DGKI: variants seen among roughly 807,000 people sequenced by gnomAD.
The protein encoded by DGKI is diacylglycerol kinase iota, also known as DAG kinase iota.
Under a neutral mutation model 147.5 loss-of-function variants are expected in DGKI, and 55 were observed. The observed-to-expected ratio is 0.37, with a 90% CI of 0.30 to 0.47. The LOEUF (loss-of-function observed/expected upper bound fraction) is 0.47. Among genes scored for constraint, DGKI ranks in the 20% least tolerant of loss-of-function variants. The pLI is 1.00. For synonymous variants in DGKI, 469 were observed against 477.1 expected (o/e 0.98, Z 0.22); for missense variants, 1,007 against 1,323.8 (o/e 0.76, Z 3.71).
rs1377569778 is a variant in DGKI at position 137,390,228 on chromosome 7, C to G, written c.*992G>C. On this transcript the variant is annotated 3_prime_UTR_variant, in exon 33 of 33. Transcript: ENST00000614521. ...TAGGGTGCTTTCTATTATCATTCAACAAAGTTTAGAAGTAAACATTGTTAG... is the reference window on the plus strand; with the variant it reads ...TAGGGTGCTTTCTATTATCATTCAAGAAAGTTTAGAAGTAAACATTGTTAG... The G allele has an allele frequency of 1.3e-5, 2 of 152,178 alleles. No individual in the cohort carries two copies. The highest frequency in any genetic ancestry group is 2.4e-5 in the African/African-American group (1 of 41,366). 9.4% of individuals were successfully genotyped at this position (152,178 alleles called of 1,614,324 possible).
intron 20 of DGKI, among the ~76,000 whole-genome samples, chr7:137,535,199 T>C (rs981379037): frequency 6.6e-6 from 1 of 152,178 alleles, no homozygotes; most frequent in Non-Finnish European, 1.5e-5. Flanking sequence ...CCTTTTGTTC[T>C]AATCCTACAA....
At chr7:137,520,062 G>GA (rs1377325901) in intron 21 of DGKI, among the ~76,000 whole-genome samples, 3 of 152,004 alleles carry the variant, frequency 2.0e-5, no homozygotes, top group Non-Finnish European at 4.4e-5. Flanking sequence ...GCCCTTGCCA[G>GA]AAAATGTCAT....
At chr7:137,393,426 A>C (rs1334686330) in intron 32 of DGKI, among the ~76,000 whole-genome samples, 1 of 152,104 alleles carries the variant, frequency 6.6e-6, no homozygotes, top group Non-Finnish European at 1.5e-5. Flanking sequence ...AGTTGAGTGT[A>C]GGACCAGCCT....
At chr7:137,440,530 G>A (rs1273265039) in intron 28 of DGKI, among the ~76,000 whole-genome samples, 3 of 152,178 alleles carry the variant, frequency 2.0e-5, no homozygotes, top group Admixed American at 2.0e-4. Context: ...CAGGGACATG[G>A]CCGATAAAAG....
intron 12 of DGKI, among the ~76,000 whole-genome samples, chr7:137,595,202 G>A (rs982722566): frequency 1.3e-5 from 2 of 152,198 alleles, no homozygotes; most frequent in Non-Finnish European, 1.5e-5. Flanking sequence ...TGAAAAGACT[G>A]GATATGAAAA....
chr7:137,731,203 C>T (rs1030233239), intron 1 of DGKI, among the ~76,000 whole-genome samples: 4 of 152,048 alleles, frequency 2.6e-5, no homozygotes, highest in Admixed American at 6.6e-5. Context: ...TCCTAAGCAT[C>T]GTACATGAAA....
At position 137,552,376 on chromosome 7, in the gene DGKI, G is replaced by A; in HGVS notation, c.2140C>T (p.Leu714Phe). ...KSKRRTSMPL[L>F]NDPQSVPDRL... ...GGCCATGAGCAGACTCACTCATTGA[G>A]TAAAGGCATGGATGTTCTCCTCTTG... Residue 714 changes from leucine to phenylalanine, a missense_variant, in exon 20 of 33, where the codon CTC (leucine) becomes TTC (phenylalanine). This residue lies in a region of DGKI where 385 missense variants were observed against 445.2 expected (regional missense o/e 0.86). Transcript: ENST00000614521. The A allele has an allele frequency of 6.2e-7, 1 of 1,613,044 alleles. No homozygotes were observed. Among genetic ancestry groups the A allele is most frequent in the Non-Finnish European group, 8.5e-7 (1 of 1,180,028 alleles).
At chr7:137,521,435 A>G (rs950106887) in intron 21 of DGKI, among the ~76,000 whole-genome samples, 1 of 152,094 alleles carries the variant, frequency 6.6e-6, no homozygotes, top group Non-Finnish European at 1.5e-5. Context: ...ATAGCATAAT[A>G]TCTAGAAGTG....
At chr7:137,481,135 A>C (rs1386946293) in intron 23 of DGKI, among the ~76,000 whole-genome samples, 3 of 152,120 alleles carry the variant, frequency 2.0e-5, no homozygotes, top group Non-Finnish European at 4.4e-5. Flanking sequence ...TTCTCTGTGC[A>C]CGCTAAGATG....
rs374351823 is a variant in DGKI, at chr7:137,421,235, G to A, written c.2762-9028C>T. 2.2e-4 allele frequency among the ~76,000 whole-genome samples: 33 copies of A among 152,194 alleles called. No individual in the cohort carries two copies. The South Asian group carries it at 5.8e-3, about 27-fold the overall frequency. On this transcript the variant is annotated intron_variant, in intron 28 of 32. Coordinates refer to ENST00000614521, the MANE Select transcript of DGKI (RefSeq NM_001321708.2). ...CATCCCTGGGATTAATCCATCAGTG[G>A]CATCAAAAGGCCATTAGATACTACG...
intron 28 of DGKI, among the ~76,000 whole-genome samples, chr7:137,441,293 C>T (rs1436822383): frequency 3.3e-5 from 5 of 151,782 alleles, no homozygotes; most frequent in Non-Finnish European, 5.9e-5. Context: ...TGGTGGCGGC[C>T]GCCTGTAGTC....
chr7:137,502,310 C>G (rs535823438), intron 21 of DGKI, among the ~76,000 whole-genome samples: 46 of 152,242 alleles, frequency 3.0e-4, no homozygotes, highest in Middle Eastern at 6.8e-3. Context: ...CCAGAACAGA[C>G]TTCCATTGCC....
intron 8 of DGKI, among the ~76,000 whole-genome samples, chr7:137,611,176 A>G (rs1049364025): frequency 6.6e-6 from 1 of 152,210 alleles, no homozygotes; most frequent in Non-Finnish European, 1.5e-5. Flanking sequence ...AAAGGGAAGA[A>G]AAGTGATTTG....
rs192172549 is a variant in DGKI at position 137,600,128 on chromosome 7, A to G, written c.1168-223T>C. ...ACAAAATCCCGTCTCTACAAAAAAT[A>G]CAAACATCAGCCAGGTGTGGTGACA... On this transcript the variant is annotated intron_variant, in intron 10 of 32. Transcript: ENST00000614521. Among the ~76,000 whole-genome samples, 11 of 152,282 alleles carry G rather than the reference A, an allele frequency of 7.2e-5. No individual in the cohort carries two copies. In the East Asian group the frequency reaches 2.1e-3, roughly 29 times the overall value.
chr7:137,487,749 T>C (rs1408873519), intron 21 of DGKI, 60 bp from the exon 22 acceptor site: 4 of 1,463,426 alleles, frequency 2.7e-6, no homozygotes, highest in African/African-American at 2.8e-5. Flanking sequence ...TATATCAGCA[T>C]AAATGTGTTT....
At chr7:137,703,959 C>G (rs1288390569) in intron 1 of DGKI, among the ~76,000 whole-genome samples, 1 of 152,154 alleles carries the variant, frequency 6.6e-6, no homozygotes, top group African/African-American at 2.4e-5. Flanking sequence ...ACCTGTAACC[C>G]CAGCACTTTG....
chr7:137,710,354 A>C (rs1481315948), intron 1 of DGKI, among the ~76,000 whole-genome samples: 1 of 152,140 alleles, frequency 6.6e-6, no homozygotes, highest in Non-Finnish European at 1.5e-5. Context: ...GAAGTAGGGA[A>C]GGCATTAGCA....
chr7:137,701,449 C>T (rs971333779), intron 1 of DGKI, among the ~76,000 whole-genome samples: 34 of 152,004 alleles, frequency 2.2e-4, no homozygotes, highest in Admixed American at 2.2e-3. Flanking sequence ...ACTTGAAATT[C>T]CAACTAATCT....
At chr7:137,640,621 G>T (rs1821591127) in intron 6 of DGKI, among the ~76,000 whole-genome samples, 1 of 152,230 alleles carries the variant, frequency 6.6e-6, no homozygotes, top group African/African-American at 2.4e-5. Flanking sequence ...AGAGTACATT[G>T]CTTTAAGTTG....
Sources: allele counts gnomAD v4.1 joint callset (sites outside exome capture counted in the v4.1 genomes callset), GRCh38; gene constraint gnomAD v4.1.1; regional missense constraint gnomAD v4.1.1; transcripts MANE v1.5; gene names NCBI Gene and HGNC (gene_info 2026-07-23, HGNC 2026-07-21).